Variants in KPNA6 observed in about 807,000 individuals in gnomAD.
KPNA6 encodes the protein importin subunit alpha-7.
KPNA6 carries 9 observed loss-of-function variants against 72.0 expected under a neutral mutation model. That is an observed-to-expected ratio of 0.13 (90% CI 0.08 to 0.22). The LOEUF is 0.22. Among genes scored for constraint, KPNA6 ranks in the 10% least tolerant of loss-of-function variants. The pLI, the probability that KPNA6 is intolerant of heterozygous loss-of-function variation, is 1.00. For missense variants in KPNA6, 374 were observed against 655.7 expected, an observed-to-expected ratio of 0.57 and a Z score of 4.69; for synonymous variants, 219 against 242.1, an observed-to-expected ratio of 0.90 and a Z score of 0.89.
At chr1:32,135,295 G>A (rs562059757) in intron 1 of KPNA6, among the ~76,000 whole-genome samples, 16 of 152,194 alleles carry the variant, frequency 1.1e-4, no homozygotes, top group African/African-American at 3.4e-4. Flanking sequence ...TTGAACTCCC[G>A]ACCTCAGGTG....
At position 32,173,173 on chromosome 1, in the gene KPNA6, T is replaced by TAA. The variant is rs60616241; in HGVS notation, c.*2299_*2300dup. 709 of 318,950 alleles carry TAA rather than the reference T, an allele frequency of 2.2e-3. No individual in the cohort carries two copies. Among genetic ancestry groups the TAA allele is most frequent in the African/African-American group, 5.1e-3 (167 of 32,624 alleles). The allele number at this position is 318,950 out of a possible 1,614,324, so 19.8% of individuals were successfully genotyped here. On this transcript the variant is annotated 3_prime_UTR_variant, in exon 14 of 14. Coordinates refer to ENST00000373625, the MANE Select transcript of KPNA6 (RefSeq NM_012316.5). ...ATTAAAAAACCATTCTCTTACAGTT[T>TAA]AAAAAAAAAAAAAAAAAAAAAGCCT...
intron 1 of KPNA6, among the ~76,000 whole-genome samples, chr1:32,123,128 TTCTGATTGGA>T (rs1333506753): frequency 6.6e-6 from 1 of 152,088 alleles, no homozygotes; most frequent in African/African-American, 2.4e-5. Context: ...TGGCCATTCT[TTCTGATTGGA>T]TGTGATTGGA....
In KPNA6 at chr1:32,162,301, C is replaced by T. The variant is rs549908076; in HGVS notation, c.748-60C>T. ...GGGCGGTGGTTGCAATGTTAGGGTT[C>T]GTGATAGAGCTGATATAGTCTTGTT... On this transcript the variant is annotated intron_variant, in intron 8 of 13. Transcript: ENST00000373625. The T allele has an allele frequency of 1.2e-5, 18 of 1,468,400 alleles. 1 individual carries two copies. In the South Asian group the frequency reaches 1.7e-4, roughly 14 times the overall value. The allele number at this position is 1,468,400 out of a possible 1,614,324, so 91.0% of individuals were successfully genotyped here.
intron 1 of KPNA6, among the ~76,000 whole-genome samples, chr1:32,123,467 A>G (rs1257324371): frequency 1.3e-5 from 2 of 152,072 alleles, no homozygotes; most frequent in Admixed American, 6.6e-5. Flanking sequence ...AGGGCGGGGC[A>G]TGGTGGCTCA....
rs1450311359 is a variant in KPNA6 at position 32,163,308 on chromosome 1, AC to A, written c.988del (p.Gln330ArgfsTer16). 6.2e-7 allele frequency: 1 copy of A among 1,610,012 alleles called. No homozygotes were observed. The highest frequency in any genetic ancestry group is 8.5e-7 in the Non-Finnish European group (1 of 1,177,304). Reference sequence around the variant, plus strand: ...CATCGTCACTGGGGATGACATCCAGACCCAGGTAAGAAAGAGGAGGGTGCAG... The same window carrying A: ...CATCGTCACTGGGGATGACATCCAGACCAGGTAAGAAAGAGGAGGGTGCAG... Reference protein sequence around the residue: ...GNIVTGDDIQTQVILNCSALP... With the variant: ...GNIVTGDDIQXQVILNCSALP... On this transcript the variant is annotated frameshift_variant, in exon 10 of 14. Transcript: ENST00000373625. LOFTEE classifies it high-confidence loss of function.
intron 13 of KPNA6, 95 bp from the exon 14 acceptor site, chr1:32,170,612 A>G: frequency 1.0e-6 from 1 of 974,380 alleles, no homozygotes; most frequent in Non-Finnish European, 1.6e-6. Context: ...GTTTGTAAGC[A>G]CTAACATACC....
intron 1 of KPNA6, among the ~76,000 whole-genome samples, chr1:32,126,735 T>C (rs1372092298): frequency 6.6e-6 from 1 of 152,094 alleles, no homozygotes; most frequent in African/African-American, 2.4e-5. Flanking sequence ...TAATGAGTAA[T>C]GATTGGAATT....
chr1:32,164,563 GT>G (rs58200020), intron 10 of KPNA6, among the ~76,000 whole-genome samples: 19,634 of 145,394 alleles, frequency 0.14, 1,702 homozygotes, highest in South Asian at 0.26. Flanking sequence ...TTTGTTTTTT[GT>G]TTTTTTTTTG....
At chr1:32,128,426 T>TATATATATATAC (rs1491304508) in intron 1 of KPNA6, among the ~76,000 whole-genome samples, 42 of 99,136 alleles carry the variant, frequency 4.2e-4, no homozygotes, top group South Asian at 9.9e-4. Context: ...TATATATATA[T>TATATATATATAC]ACACACACAC....
chr1:32,119,035 T>A (rs1451183411), intron 1 of KPNA6, among the ~76,000 whole-genome samples: 17 of 120,160 alleles, frequency 1.4e-4, no homozygotes, highest in East Asian at 7.2e-4. Flanking sequence ...TATATATATT[T>A]TTTTTTTTTT....
intron 7 of KPNA6, among the ~76,000 whole-genome samples, chr1:32,161,543 C>G (rs1447690859): frequency 6.6e-6 from 1 of 152,166 alleles, no homozygotes; most frequent in Non-Finnish European, 1.5e-5. Context: ...GAAAATTATT[C>G]CATACTGTGT....
intron 10 of KPNA6, 57 bp downstream of exon 10, chr1:32,163,370 C>A: frequency 7.8e-7 from 1 of 1,281,878 alleles, no homozygotes; most frequent in Non-Finnish European, 1.1e-6. Flanking sequence ...TTGTGGAGAG[C>A]TGCCAGTGGA....
intron 1 of KPNA6, among the ~76,000 whole-genome samples, chr1:32,136,675 CAG>C (rs573126730): frequency 6.5e-4 from 99 of 152,298 alleles, no homozygotes; most frequent in South Asian, 1.4e-3. Context: ...TTCAGAGTAT[CAG>C]AGGAGAGATC....
At chr1:32,143,485 A>G (rs2124021679) in intron 1 of KPNA6, among the ~76,000 whole-genome samples, 1 of 151,826 alleles carries the variant, frequency 6.6e-6, no homozygotes, top group South Asian at 2.1e-4. Context: ...CTTGAGGAGA[A>G]TCACTTGAAT....
At chr1:32,130,578 G>A (rs892599959) in intron 1 of KPNA6, among the ~76,000 whole-genome samples, 2 of 151,694 alleles carry the variant, frequency 1.3e-5, no homozygotes, top group African/African-American at 4.8e-5. Context: ...TTGAGGTCAG[G>A]AGTTTGAGAC....
At chr1:32,108,184 G>A in intron 1 of KPNA6, 50 bp downstream of exon 1, 4 of 1,612,870 alleles carry the variant, frequency 2.5e-6, no homozygotes, top group Non-Finnish European at 2.5e-6. Context: ...GGAGTGTCGG[G>A]GCCTGGGATT....
intron 1 of KPNA6, among the ~76,000 whole-genome samples, chr1:32,153,038 A>G (rs1290975430): frequency 6.9e-6 from 1 of 145,340 alleles, no homozygotes; most frequent in East Asian, 2.1e-4. Flanking sequence ...AAAAAAAAAA[A>G]GTATAGTGTG....
At position 32,156,709 on chromosome 1, in the gene KPNA6, AG is replaced by A. The variant is rs909417636; in HGVS notation, c.139-140del. 128 of 574,876 alleles carry A rather than the reference AG, an allele frequency of 2.2e-4. No homozygotes were observed. In the African/African-American group the frequency reaches 2.2e-3, roughly 10 times the overall value. 35.6% of individuals were successfully genotyped at this position (574,876 alleles called of 1,614,324 possible). On this transcript the variant is annotated intron_variant, in intron 2 of 13. Coordinates refer to ENST00000373625, the MANE Select transcript of KPNA6 (RefSeq NM_012316.5). The stretch of plus-strand genomic sequence containing the variant: ...AAATAATAGAAAGCAAAACTGAATA[AG>A]GGGAGACTAATGTATAAAGCTTGGC...
At chr1:32,161,355 G>T (rs1465283582) in intron 7 of KPNA6, among the ~76,000 whole-genome samples, 1 of 152,236 alleles carries the variant, frequency 6.6e-6, no homozygotes, top group Non-Finnish European at 1.5e-5. Context: ...ACATACATCG[G>T]ACAGCTCTGT....
Sources: gnomAD v4.1 joint callset for allele counts (sites outside exome capture counted in the v4.1 genomes callset) on GRCh38, gnomAD v4.1.1 for gene constraint, MANE v1.5 for transcripts, NCBI Gene and HGNC (gene_info 2026-07-23, HGNC 2026-07-21) for gene names.